CSMD1: variants seen among roughly 807,000 people sequenced by gnomAD.
CSMD1 encodes the protein CUB and Sushi multiple domains 1.
CSMD1 carries 213 observed loss-of-function variants against 417.5 expected under a neutral mutation model. That is an observed-to-expected ratio of 0.51 (90% CI 0.46 to 0.57). The LOEUF (loss-of-function observed/expected upper bound fraction) is 0.57. Among genes scored for constraint, CSMD1 ranks in the 20% least tolerant of loss-of-function variants. The probability of loss-of-function intolerance (pLI) is 0.00; values close to 1 mark genes in which losing one functional copy is unlikely to be tolerated. For missense variants in CSMD1, 6,923 were observed against 4,529.7 expected (o/e 1.53, Z -15.17); for synonymous variants, 2,862 against 1,736.8 (o/e 1.65, Z -16.11).
intron 1 of CSMD1, among the ~76,000 whole-genome samples, chr8:4,813,796 G>C (rs1340057259): frequency 1.3e-5 from 2 of 152,146 alleles, no homozygotes; most frequent in Non-Finnish European, 1.5e-5. Flanking sequence ...AGAATGTCTA[G>C]GGTTGCCATC....
chr8:2,957,876 G>C (rs1439316328), intron 62 of CSMD1, 69 bp from the exon 63 acceptor site: 1 of 1,031,990 alleles, frequency 9.7e-7, no homozygotes, highest in Non-Finnish European at 1.5e-6. Flanking sequence ...AGTGATACCT[G>C]AAAGTACACG....
At chr8:3,849,208 T>G (rs368010484) in intron 5 of CSMD1, among the ~76,000 whole-genome samples, 1 of 151,966 alleles carries the variant, frequency 6.6e-6, no homozygotes, top group African/African-American at 2.4e-5. Context: ...CTGGGAATGG[T>G]TGATGAGAAA....
intron 10 of CSMD1, among the ~76,000 whole-genome samples, chr8:3,570,402 G>T (rs997672679): frequency 1.3e-5 from 2 of 151,704 alleles, no homozygotes; most frequent in Non-Finnish European, 2.9e-5. Context: ...TTGACGCAAT[G>T]GGATATGAAG....
chr8:3,261,843 G>A (rs960749385), intron 26 of CSMD1, among the ~76,000 whole-genome samples: 3 of 152,100 alleles, frequency 2.0e-5, no homozygotes, highest in East Asian at 1.9e-4. Context: ...CAGGGATTAC[G>A]AAGGCATGCG....
At chr8:3,808,406 G>A (rs74561678) in intron 5 of CSMD1, among the ~76,000 whole-genome samples, 1,709 of 152,142 alleles carry the variant, frequency 0.011, 37 homozygotes, top group African/African-American at 0.039. Context: ...TAAAAAGTAA[G>A]TTTTACTACT....
At chr8:4,760,601 A>G (rs1018688773) in intron 1 of CSMD1, among the ~76,000 whole-genome samples, 1 of 152,230 alleles carries the variant, frequency 6.6e-6, no homozygotes, top group African/African-American at 2.4e-5. Flanking sequence ...CTATGAAAAA[A>G]TAGAAAAATA....
At chr8:4,598,227 G>C (rs1292008596) in intron 2 of CSMD1, among the ~76,000 whole-genome samples, 3 of 152,130 alleles carry the variant, frequency 2.0e-5, no homozygotes, top group Non-Finnish European at 2.9e-5. Context: ...ATGCCTGAGA[G>C]CTCTCCAATC....
At chr8:3,364,807 T>G (rs1409195504) in intron 20 of CSMD1, among the ~76,000 whole-genome samples, 1 of 152,164 alleles carries the variant, frequency 6.6e-6, no homozygotes, top group Non-Finnish European at 1.5e-5. Context: ...AGAAACAAAT[T>G]TCTGTTATTT....
intron 5 of CSMD1, among the ~76,000 whole-genome samples, chr8:3,984,153 T>C (rs1300142776): frequency 1.3e-5 from 2 of 152,146 alleles, no homozygotes; most frequent in Non-Finnish European, 2.9e-5. Context: ...ATTGCAGCTC[T>C]AGAGCACATC....
intron 3 of CSMD1, among the ~76,000 whole-genome samples, chr8:4,392,045 G>A (rs1170451863): frequency 6.6e-6 from 1 of 152,158 alleles, no homozygotes; most frequent in Non-Finnish European, 1.5e-5. Flanking sequence ...GGTTTTGGGG[G>A]CAATGCGACC....
rs372609121 is a variant in CSMD1, at chr8:4,305,772, T to C, written c.415+114181A>G. Among the ~76,000 whole-genome samples the C allele has an allele frequency of 1.1e-4, 17 of 152,272 alleles. No homozygotes were observed. In the East Asian group the frequency reaches 3.3e-3, roughly 29 times the overall value. The stretch of plus-strand genomic sequence containing the variant: ...AGACACTACTGATCTGTATTTTAAA[T>C]TTCACTTCACAAAAGTGATTTGGGA... On this transcript the variant is annotated intron_variant, in intron 3 of 69. Coordinates refer to ENST00000635120, the MANE Select transcript of CSMD1 (RefSeq NM_033225.6).
At chr8:3,828,775 C>T (rs1299139055) in intron 5 of CSMD1, among the ~76,000 whole-genome samples, 2 of 152,106 alleles carry the variant, frequency 1.3e-5, no homozygotes, top group African/African-American at 4.8e-5. Context: ...CTGTCACTTC[C>T]TCCCAAGCAT....
intron 1 of CSMD1, among the ~76,000 whole-genome samples, chr8:4,885,399 A>C (rs6986644): frequency 0.52 from 78,903 of 151,804 alleles, 20,974 homozygotes; most frequent in East Asian, 0.57. Flanking sequence ...AGGCACATCG[A>C]TGTCTTGTTC....
chr8:3,804,889 T>G (rs771788989), intron 5 of CSMD1, among the ~76,000 whole-genome samples: 3 of 152,098 alleles, frequency 2.0e-5, no homozygotes, highest in African/African-American at 2.4e-5. Context: ...GTAGCATGGA[T>G]TAGTGAAAAA....
intron 5 of CSMD1, among the ~76,000 whole-genome samples, chr8:3,773,168 T>C (rs964577066): frequency 6.6e-6 from 1 of 152,176 alleles, no homozygotes; most frequent in Non-Finnish European, 1.5e-5. Context: ...GATTTCAACA[T>C]GAACTCTAGG....
At chr8:3,965,730 G>T (rs564695922) in intron 5 of CSMD1, among the ~76,000 whole-genome samples, 9 of 152,092 alleles carry the variant, frequency 5.9e-5, no homozygotes, top group African/African-American at 1.9e-4. Context: ...AGATTCTCCT[G>T]CCTCAGCCTC....
intron 1 of CSMD1, among the ~76,000 whole-genome samples, chr8:4,986,661 T>G (rs897048406): frequency 3.3e-5 from 5 of 152,002 alleles, no homozygotes; most frequent in African/African-American, 1.2e-4. Flanking sequence ...CCCTGAAGTC[T>G]CCCCATAATA....
intron 10 of CSMD1, among the ~76,000 whole-genome samples, chr8:3,506,198 G>A (rs923011420): frequency 6.6e-6 from 1 of 152,102 alleles, no homozygotes; most frequent in Non-Finnish European, 1.5e-5. Context: ...CCAGCCCCAG[G>A]ACGAGCTGTC....
intron 1 of CSMD1, among the ~76,000 whole-genome samples, chr8:4,836,112 T>G (rs1477342711): frequency 1.3e-5 from 2 of 152,264 alleles, no homozygotes; most frequent in African/African-American, 4.8e-5. Context: ...CTGTCAGAGC[T>G]TCAGCTTTCC....
Sources: gnomAD v4.1 joint callset for allele counts (sites outside exome capture counted in the v4.1 genomes callset) on GRCh38, gnomAD v4.1.1 for gene constraint, MANE v1.5 for transcripts, NCBI Gene and HGNC (gene_info 2026-07-23, HGNC 2026-07-21) for gene names.